The following CCNO variants were observed in gnomAD, a reference collection of about 807,000 sequenced individuals.
The protein encoded by CCNO is cyclin-O.
CCNO carries 24 observed loss-of-function variants against 23.9 expected under a neutral mutation model. The observed-to-expected ratio is 1.00, with a 90% CI of 0.73 to 1.41. CCNO has a LOEUF of 1.41. CCNO is among the 40% of genes most tolerant of loss of function. The pLI is 0.00. For missense variants in CCNO, 542 were observed against 476.2 expected, an observed-to-expected ratio of 1.14 and a Z score of -1.29; for synonymous variants, 241 against 225.7, an observed-to-expected ratio of 1.07 and a Z score of -0.61.
rs775051461 is a variant in CCNO at position 55,231,790 on chromosome 5, A to G, written c.638T>C (p.Leu213Pro). Residue 213 changes from leucine (L) to proline (P), a missense_variant, in exon 3 of 3, where the codon CTC (leucine) becomes CCC (proline). Coordinates refer to ENST00000282572, the MANE Select transcript of CCNO (RefSeq NM_021147.5). ...CAGCACGATGCACTCGAGGTTGCAG[A>G]GCTGCTGCCGGGAGAAGGCGCCGCA... ...LCCGAFSRQQLCNLECIVLHK... is the reference protein window; with the variant it reads ...LCCGAFSRQQPCNLECIVLHK... 3.3e-5 allele frequency: 52 copies of G among 1,559,878 alleles called. No individual in the cohort carries two copies. Among genetic ancestry groups the G allele is most frequent in the Non-Finnish European group, 8.7e-6 (10 of 1,152,792 alleles).
chr5:55,232,279 G>T (rs1307167952), intron 2 of CCNO, 82 bp downstream of exon 2: 1 of 1,324,866 alleles, frequency 7.5e-7, no homozygotes, highest in Non-Finnish European at 1.1e-6. Context: ...GTGCGCGCTG[G>T]AAAGACGGGC....
In CCNO at chr5:55,233,098, G is replaced by A. The variant is rs763024294; in HGVS notation, c.381+45C>T. The stretch of plus-strand genomic sequence containing the variant: ...GGCAGGAGAGGAGAGAGCCTGGGAG[G>A]AGAGGAAGAGCGGCGGCGTGGAGCT... On this transcript the variant is annotated intron_variant, in intron 1 of 2. Transcript: ENST00000282572. 94 of 1,521,886 alleles carry A rather than the reference G, an allele frequency of 6.2e-5. 1 individual carries two copies. In the South Asian group the frequency reaches 7.4e-4, roughly 12 times the overall value. The allele number at this position is 1,521,886 out of a possible 1,614,324, so 94.3% of individuals were successfully genotyped here. A position where few individuals can be genotyped will look rare whatever the true frequency, so the allele number is the denominator to read the frequency against.
At chr5:55,232,943 T>C in intron 1 of CCNO, 200 bp downstream of exon 1, 1 of 627,210 alleles carries the variant, frequency 1.6e-6, no homozygotes, top group Non-Finnish European at 2.7e-6. Flanking sequence ...GGCAAGTCCC[T>C]CAAGCCGTCT....
At chr5:55,232,162 G>A (rs1409376501) in intron 2 of CCNO, among the ~76,000 whole-genome samples, 199 bp downstream of exon 2, 4 of 152,208 alleles carry the variant, frequency 2.6e-5, no homozygotes, top group African/African-American at 9.6e-5. Flanking sequence ...TTTGGAAGCC[G>A]AGTGACAGGA....
intron 1 of CCNO, chr5:55,232,942 C>G: frequency 1.6e-6 from 1 of 626,624 alleles, no homozygotes. Context: ...GGGCAAGTCC[C>G]TCAAGCCGTC....
chr5:55,232,777 G>A lies in CCNO; in HGVS notation c.382-231C>T, dbSNP rs1175764949. Reference sequence around the variant, plus strand: ...CGTCGTACACGTTACCTCGCGTAATGGGCTCAGCAATTCAAAGGAAGGGGA... The same window carrying A: ...CGTCGTACACGTTACCTCGCGTAATAGGCTCAGCAATTCAAAGGAAGGGGA... On this transcript the variant is annotated intron_variant, in intron 1 of 2. Coordinates refer to ENST00000282572, the MANE Select transcript of CCNO (RefSeq NM_021147.5). 3.5e-5 allele frequency: 21 copies of A among 596,236 alleles called. No individual in the cohort carries two copies. The East Asian group carries it at 5.6e-4, about 16-fold the overall frequency. 36.9% of individuals were successfully genotyped at this position (596,236 alleles called of 1,614,324 possible). A position where few individuals can be genotyped will look rare whatever the true frequency, so the allele number is the denominator to read the frequency against.
chr5:55,231,385 C>A lies in CCNO; in HGVS notation c.1043G>T (p.Ser348Ile), dbSNP rs561065348. Residue 348 changes from serine (S) to isoleucine (I), a missense_variant, in exon 3 of 3, where the codon AGC becomes ATC. Transcript: ENST00000282572. ...QICEKCSLPP[S>I]SK ...AACGAAGGATCTGTTTTATTTCGAG[C>A]TCGGGGGCAGGCTGCACTTCTCGCA... The A allele has an allele frequency of 1.9e-6, 3 of 1,613,692 alleles. No individual in the cohort carries two copies. Among genetic ancestry groups the A allele is most frequent in the African/African-American group, 1.3e-5 (1 of 74,936 alleles).
rs1745611424 is a variant in CCNO, at chr5:55,232,373, GAT to G, written c.553_554del (p.Ile185ArgfsTer49). On this transcript the variant is annotated frameshift_variant, in exon 2 of 3. Transcript: ENST00000282572. LOFTEE classifies it high-confidence loss of function. ...ATACCCCAGGTACCTGTTTGCAAGC[GAT>G]GAGCAAGGAGGTGACCCCAAGCAGC... ...FQLLGVTSLLIACKQVEVHPP... is the reference protein window; with the variant it reads ...FQLLGVTSLLXACKQVEVHPP... The G allele has an allele frequency of 2.5e-6, 4 of 1,613,584 alleles. No individual in the cohort carries two copies. In the African/African-American group the frequency reaches 5.3e-5, roughly 22 times the overall value.
At position 55,231,262 on chromosome 5, in the gene CCNO, G is replaced by T; in HGVS notation, c.*113C>A. On this transcript the variant is annotated 3_prime_UTR_variant, in exon 3 of 3. Coordinates refer to ENST00000282572, the MANE Select transcript of CCNO (RefSeq NM_021147.5). ...TATCGTACACTATTTACAACCTGCA[G>T]CTGACCAAGCAGGTCCTGAAGCCTT... The T allele has an allele frequency of 8.2e-7, 1 of 1,217,316 alleles. No individual in the cohort carries two copies. Among genetic ancestry groups the T allele is most frequent in the Non-Finnish European group, 1.2e-6 (1 of 856,434 alleles). 75.4% of individuals were successfully genotyped at this position (1,217,316 alleles called of 1,614,324 possible). A position where few individuals can be genotyped will look rare whatever the true frequency, so the allele number is the denominator to read the frequency against.
At position 55,233,356 on chromosome 5, in the gene CCNO, G is replaced by A. The variant is rs754407266; in HGVS notation, c.168C>T (p.Gly56=). The A allele has an allele frequency of 1.9e-6, 3 of 1,609,344 alleles. No homozygotes were observed. Among genetic ancestry groups the A allele is most frequent in the South Asian group, 1.1e-5 (1 of 90,658 alleles). Reference sequence around the variant, plus strand: ...TGGGGGACTCGAACAGGTCGCAAATGCCGGAGTCTCCCGGGAGCGGGCACG... The same window carrying A: ...TGGGGGACTCGAACAGGTCGCAAATACCGGAGTCTCCCGGGAGCGGGCACG... ...LNPCPLPGDS[G]ICDLFESPSS... Residue 56 remains glycine (G), a synonymous_variant, in exon 1 of 3, where the codon GGC becomes GGT. Transcript: ENST00000282572.
chr5:55,233,562 G>A lies in CCNO; in HGVS notation c.-39C>T, dbSNP rs1184599183. ...GGCCGCTTTACTACCTTCAACGCCCGGGCTGCGGCGGGCAGCAAACGCGCA... is the reference window on the plus strand; with the variant it reads ...GGCCGCTTTACTACCTTCAACGCCCAGGCTGCGGCGGGCAGCAAACGCGCA... On this transcript the variant is annotated 5_prime_UTR_variant, in exon 1 of 3. Coordinates refer to ENST00000282572, the MANE Select transcript of CCNO (RefSeq NM_021147.5). The A allele has an allele frequency of 4.7e-6, 7 of 1,474,128 alleles. No individual in the cohort carries two copies. The South Asian group carries it at 6.9e-5, about 15-fold the overall frequency. 91.3% of individuals were successfully genotyped at this position (1,474,128 alleles called of 1,614,324 possible).
intron 1 of CCNO, 93 bp from the exon 2 acceptor site, chr5:55,232,639 T>C: frequency 8.1e-7 from 1 of 1,231,878 alleles, no homozygotes; most frequent in Non-Finnish European, 1.2e-6. Flanking sequence ...TCGGGGAGCT[T>C]CCCAGGAGAG....
Position 55,233,520 on chromosome 5 carries a change from C to A in CCNO, c.4G>T (p.Val2Leu). ...GAGGGGCTGGTGGGACAGGGGGTCA[C>A]CATGATGCGGCCGGGTGGCCGCTTT... M[V>L]TPCPTSPSSP... is the part of the protein sequence containing the mutation. Residue 2 changes from valine (V) to leucine (L), a missense_variant, in exon 1 of 3, where the codon GTG becomes TTG. Coordinates refer to ENST00000282572, the MANE Select transcript of CCNO (RefSeq NM_021147.5). 1 of 1,556,598 alleles carries A rather than the reference C, an allele frequency of 6.4e-7. No individual in the cohort carries two copies. The highest frequency in any genetic ancestry group is 8.7e-7 in the Non-Finnish European group (1 of 1,153,950).
chr5:55,232,980 A>G, intron 1 of CCNO, 163 bp downstream of exon 1: 1 of 718,440 alleles, frequency 1.4e-6, no homozygotes, highest in Non-Finnish European at 2.2e-6. Flanking sequence ...CATCTGTAAA[A>G]TGAGGCCGGT....
chr5:55,231,352 TA>T lies in CCNO; in HGVS notation c.*22del. 6.2e-7 allele frequency: 1 copy of T among 1,611,182 alleles called. No individual in the cohort carries two copies. Among genetic ancestry groups the T allele is most frequent in the Non-Finnish European group, 8.5e-7 (1 of 1,177,862 alleles). ...GAGGTCCAGCAGCCGGGCCAGGGAC[TA>T]AAAGGAAACGAAGGATCTGTTTTAT... On this transcript the variant is annotated 3_prime_UTR_variant, in exon 3 of 3. Coordinates refer to ENST00000282572, the MANE Select transcript of CCNO (RefSeq NM_021147.5).
In CCNO at chr5:55,233,143, T is replaced by G; in HGVS notation, c.381A>C (p.Gln127His). The part of the protein sequence containing the change: ...HPREALARQP[Q>H]VTAESRCKLL... ...GGAGCTGGCTCTACCAGCACCTCACTTGTGGCTGCCGTGCCAGCGCCTCCC... is the reference window on the plus strand; with the variant it reads ...GGAGCTGGCTCTACCAGCACCTCACGTGTGGCTGCCGTGCCAGCGCCTCCC... The change falls in exon 1 of 3, where the codon CAA becomes CAC. Residue 127 changes from glutamine to histidine, a missense_variant and splice_region_variant. Transcript: ENST00000282572. The G allele has an allele frequency of 1.3e-6, 2 of 1,541,526 alleles. No homozygotes were observed. Among genetic ancestry groups the G allele is most frequent in the South Asian group, 2.4e-5 (2 of 83,944 alleles).
chr5:55,231,750 G>T lies in CCNO; in HGVS notation c.678C>A (p.Phe226Leu). Residue 226 changes from phenylalanine to leucine, a missense_variant, in exon 3 of 3, where the codon TTC (phenylalanine) becomes TTA (leucine). Phe to Leu is a conservative substitution (Grantham distance 22). Transcript: ENST00000282572. ...AGCTAATGGTGGGCGCACCCAGGGTGAAGTGCAGCTTGTGCAGCACGATGC... is the reference window on the plus strand; with the variant it reads ...AGCTAATGGTGGGCGCACCCAGGGTTAAGTGCAGCTTGTGCAGCACGATGC... ...LECIVLHKLH[F>L]TLGAPTISFF... 1 of 1,573,320 alleles carries T rather than the reference G, an allele frequency of 6.4e-7. No individual in the cohort carries two copies. Among genetic ancestry groups the T allele is most frequent in the Non-Finnish European group, 8.6e-7 (1 of 1,160,116 alleles).
Position 55,233,538 on chromosome 5 carries a change from G to T in CCNO, c.-15C>A. On this transcript the variant is annotated 5_prime_UTR_variant, in exon 1 of 3. Coordinates refer to ENST00000282572, the MANE Select transcript of CCNO (RefSeq NM_021147.5). The stretch of plus-strand genomic sequence containing the variant: ...GGGGTCACCATGATGCGGCCGGGTG[G>T]CCGCTTTACTACCTTCAACGCCCGG... 1 of 1,534,580 alleles carries T rather than the reference G, an allele frequency of 6.5e-7. No individual in the cohort carries two copies. Among genetic ancestry groups the T allele is most frequent in the Non-Finnish European group, 8.7e-7 (1 of 1,145,998 alleles).
At chr5:55,233,080 G>C in intron 1 of CCNO, 63 bp downstream of exon 1, 1 of 1,493,126 alleles carries the variant, frequency 6.7e-7, no homozygotes, top group Non-Finnish European at 8.9e-7. Flanking sequence ...GCCGGCAGGA[G>C]AGGAGAGAGC....
Sources: allele counts gnomAD v4.1 joint callset (sites outside exome capture counted in the v4.1 genomes callset), GRCh38; gene constraint gnomAD v4.1.1; transcripts MANE v1.5; gene names NCBI Gene and HGNC (gene_info 2026-07-23, HGNC 2026-07-21).